SCAMP4: variants seen among roughly 807,000 people sequenced by gnomAD.
The protein encoded by SCAMP4 is secretory carrier-associated membrane protein 4.
In SCAMP4, 19 loss-of-function variants were observed where a neutral mutation model predicts 32.1. The observed-to-expected ratio is 0.59, with a 90% confidence interval of 0.41 to 0.87. SCAMP4 has a LOEUF of 0.87. SCAMP4 is among the 40% of genes least tolerant of loss of function. SCAMP4 has a pLI of 0.00. For missense variants in SCAMP4, 302 were observed against 309.0 expected (o/e 0.98, Z 0.17); for synonymous variants, 152 against 132.7 (o/e 1.15, Z -1.00).
chr19:1,912,405 C>G (rs751225755), intron 1 of SCAMP4: 1 of 1,514,936 alleles, frequency 6.6e-7, no homozygotes, highest in Non-Finnish European at 8.8e-7. Flanking sequence ...CTCGGGCCCG[C>G]GCTCGCTGGC....
chr19:1,907,460 A>G (rs1282057958), intron 1 of SCAMP4, among the ~76,000 whole-genome samples: 3 of 151,390 alleles, frequency 2.0e-5, no homozygotes, highest in Non-Finnish European at 4.4e-5. Context: ...TGGAGGAGTC[A>G]GGACTGGTGC....
chr19:1,912,356 C>T, intron 1 of SCAMP4: 2 of 1,530,500 alleles, frequency 1.3e-6, no homozygotes, highest in Middle Eastern at 1.7e-4. Flanking sequence ...CCGGCAGCCC[C>T]CACGCCCTGG....
intron 1 of SCAMP4, 196 bp downstream of exon 1, chr19:1,905,635 C>T (rs1297777652): frequency 2.6e-5 from 4 of 153,490 alleles, no homozygotes; most frequent in Non-Finnish European, 4.4e-5. Context: ...AATGCGCGTG[C>T]GCGCGCGCGC....
chr19:1,908,285 T>G lies in SCAMP4; in HGVS notation c.-42+2846T>G. ...TCCCACTGCATCTCCGGTTCTGTGCTTTGTTGAACGCGTGAGCTTCGGGCA... is the reference window on the plus strand; with the variant it reads ...TCCCACTGCATCTCCGGTTCTGTGCGTTGTTGAACGCGTGAGCTTCGGGCA... On this transcript the variant is annotated intron_variant, in intron 1 of 6. Transcript: ENST00000316097. This position sits in a 1 kb window ranked among gnomAD's most constrained non-coding sequence, Gnocchi z 4.2. 1 of 319,856 alleles carries G rather than the reference T, an allele frequency of 3.1e-6. No individual in the cohort carries two copies. Among genetic ancestry groups the G allele is most frequent in the East Asian group, 1.0e-4 (1 of 9,996 alleles). The allele number at this position is 319,856 out of a possible 1,614,324, so 19.8% of individuals were successfully genotyped here.
At chr19:1,912,780 G>A (rs773929248) in intron 1 of SCAMP4, 5 of 1,569,104 alleles carry the variant, frequency 3.2e-6, no homozygotes, top group African/African-American at 2.7e-5. Flanking sequence ...CATGGTGTGC[G>A]TGGACCTCGT....
At position 1,912,125 on chromosome 19, in the gene SCAMP4, G is replaced by T. The variant is rs2013487317; in HGVS notation, c.-41-2854G>T. The T allele has an allele frequency of 1.9e-6, 3 of 1,550,892 alleles. No homozygotes were observed. On this transcript the variant is annotated intron_variant, in intron 1 of 6. Coordinates refer to ENST00000316097, the MANE Select transcript of SCAMP4 (RefSeq NM_079834.4). ...AGCCCGCCCCGGGCCTCGTGGAGCA[G>T]CCCAAGTGCTTGGAGGCCGGGAGCC...
In SCAMP4 at chr19:1,917,722, C is replaced by G. The variant is rs750461392; in HGVS notation, c.36C>G (p.Pro12=). The G allele has an allele frequency of 6.2e-7, 1 of 1,614,040 alleles. No homozygotes were observed. Among genetic ancestry groups the G allele is most frequent in the African/African-American group, 1.3e-5 (1 of 75,066 alleles). Residue 12 remains proline, a synonymous_variant, in exon 3 of 7, where the codon CCC becomes CCG. Coordinates refer to ENST00000316097, the MANE Select transcript of SCAMP4 (RefSeq NM_079834.4). ...AGGAGAACAACTTCCCGCCACTGCC[C>G]AAGTTCATCCCTGTGAAGCCCTGCT... ...SEKENNFPPL[P]KFIPVKPCFY...
intron 1 of SCAMP4, chr19:1,912,058 GCTCCCGTCTCTGT>G: frequency 7.0e-7 from 1 of 1,431,742 alleles, no homozygotes; most frequent in Non-Finnish European, 9.1e-7. Flanking sequence ...ATGATCCTCT[GCTCCCGTCTCTGT>G]CTCCCACAGT....
At chr19:1,921,778 C>T (rs2145459415) in intron 5 of SCAMP4, 1 of 983,748 alleles carries the variant, frequency 1.0e-6, no homozygotes, top group East Asian at 1.1e-4. Flanking sequence ...GCCAGGAGTT[C>T]AGACTGGCCT....
intron 2 of SCAMP4, among the ~76,000 whole-genome samples, chr19:1,916,209 G>C (rs886546187): frequency 3.3e-5 from 5 of 151,702 alleles, no homozygotes; most frequent in Non-Finnish European, 5.9e-5. Flanking sequence ...CTGCACTCCA[G>C]CCTGGGTGAC....
intron 2 of SCAMP4, chr19:1,915,412 T>G: frequency 3.7e-6 from 1 of 270,176 alleles, no homozygotes; most frequent in Non-Finnish European, 7.2e-6. Flanking sequence ...GCTGTCTGAC[T>G]CCCCATCTGG....
In SCAMP4 at chr19:1,917,776, A is replaced by G; in HGVS notation, c.90A>G (p.Pro30=). 2 of 1,614,008 alleles carry G rather than the reference A, an allele frequency of 1.2e-6. No individual in the cohort carries two copies. The highest frequency in any genetic ancestry group is 1.7e-6 in the Non-Finnish European group (2 of 1,179,880). The change falls in exon 3 of 7, where the codon CCA becomes CCG. Residue 30 remains proline (P), a synonymous_variant. Coordinates refer to ENST00000316097, the MANE Select transcript of SCAMP4 (RefSeq NM_079834.4). ...CFYQNFSDEI[P]VEHQVLVKRI... is the part of the protein sequence containing the mutation. ...ACCAGAACTTCTCCGACGAGATCCC[A>G]GTGGAGCACCAGGTCCTGGTGAAGA...
intron 5 of SCAMP4, chr19:1,922,228 G>T: frequency 1.0e-6 from 1 of 985,468 alleles, no homozygotes; most frequent in Non-Finnish European, 1.2e-6. Context: ...CCTTCCCAGT[G>T]TCCCACTGGT....
chr19:1,918,199 A>G lies in SCAMP4; in HGVS notation c.209A>G (p.Asn70Ser). The change falls in exon 4 of 7, where the codon AAC becomes AGC. Residue 70 changes from asparagine (N) to serine (S), a missense_variant. Physicochemically the swap from Asn to Ser is conservative, Grantham distance 46 (BLOSUM62 1). Coordinates refer to ENST00000316097, the MANE Select transcript of SCAMP4 (RefSeq NM_079834.4). ...TGGATCGGCGGAGGCTCGGGGACCA[A>G]CTTCGGCCTGGCCTTCGTGTGGCTG... ...AWWIGGGSGT[N>S]FGLAFVWLLL... 1 of 1,612,464 alleles carries G rather than the reference A, an allele frequency of 6.2e-7. No homozygotes were observed. The highest frequency in any genetic ancestry group is 8.5e-7 in the Non-Finnish European group (1 of 1,179,832).
chr19:1,918,160 C>T lies in SCAMP4; in HGVS notation c.170C>T (p.Ala57Val). 2 of 1,612,930 alleles carry T rather than the reference C, an allele frequency of 1.2e-6. No homozygotes were observed. Among genetic ancestry groups the T allele is most frequent in the Non-Finnish European group, 1.7e-6 (2 of 1,179,756 alleles). The change falls in exon 4 of 7, where the codon GCC (alanine) becomes GTC (valine). Residue 57 changes from alanine to valine, a missense_variant. Ala to Val is a moderately conservative substitution (Grantham distance 64, BLOSUM62 0). Coordinates refer to ENST00000316097, the MANE Select transcript of SCAMP4 (RefSeq NM_079834.4). Reference protein sequence around the residue: ...YCATLGVNLIACLAWWIGGGS... With the variant: ...YCATLGVNLIVCLAWWIGGGS... The stretch of plus-strand genomic sequence containing the variant: ...GCCACCCTCGGCGTCAACCTCATTG[C>T]CTGCCTGGCCTGGTGGATCGGCGGA...
intron 6 of SCAMP4, 104 bp from the exon 7 acceptor site, chr19:1,924,004 T>TC: frequency 9.6e-6 from 3 of 312,536 alleles, no homozygotes; most frequent in Non-Finnish European, 1.8e-5. Flanking sequence ...AGACAGTCTG[T>TC]CTGCCTCGGC....
intron 5 of SCAMP4, chr19:1,921,341 T>G: frequency 1.0e-6 from 1 of 985,362 alleles, no homozygotes; most frequent in Non-Finnish European, 1.2e-6. Flanking sequence ...GCATCTGTGG[T>G]GGCAGAGGAC....
chr19:1,923,614 G>GGTT (rs2013988562), intron 6 of SCAMP4, among the ~76,000 whole-genome samples: 1 of 44,128 alleles, frequency 2.3e-5, no homozygotes, highest in Non-Finnish European at 4.2e-5. Flanking sequence ...ACAGCAAAAT[G>GGTT]CTTTTTTTTT....
chr19:1,920,774 G>A (rs2013893957), intron 5 of SCAMP4: 1 of 985,512 alleles, frequency 1.0e-6, no homozygotes, highest in Non-Finnish European at 1.2e-6. Context: ...CCTCCCCGGT[G>A]CGTCCCCAGC....
Sources: gnomAD v4.1 joint callset for allele counts (sites outside exome capture counted in the v4.1 genomes callset) on GRCh38, gnomAD v4.1.1 for gene constraint, Gnocchi (gnomAD v3.1) non-coding constraint, MANE v1.5 for transcripts, NCBI Gene and HGNC (gene_info 2026-07-23, HGNC 2026-07-21) for gene names.